The following NSMCE1 variants were observed in gnomAD, a reference collection of about 807,000 sequenced individuals.
NSMCE1 encodes non-structural maintenance of chromosomes element 1 homolog.
Under a neutral mutation model 29.6 loss-of-function variants are expected in NSMCE1, and 18 were observed. The observed-to-expected ratio is 0.61, with a 90% confidence interval of 0.42 to 0.90. The LOEUF (loss-of-function observed/expected upper bound fraction) is 0.90. Among genes scored for constraint, NSMCE1 ranks in the 40% least tolerant of loss-of-function variants. The pLI is 0.00. For synonymous variants in NSMCE1, 124 were observed against 133.4 expected (o/e 0.93, Z 0.49); for missense variants, 314 against 343.6 (o/e 0.91, Z 0.68).
chr16:27,243,393 C>G (rs2083914556), intron 2 of NSMCE1, among the ~76,000 whole-genome samples: 1 of 152,170 alleles, frequency 6.6e-6, no homozygotes, highest in Non-Finnish European at 1.5e-5. Context: ...AGGAATGGAC[C>G]GTGTTACACT....
Position 27,225,309 on chromosome 16 carries a change from G to A in NSMCE1, c.722-73C>T. 5.8e-6 allele frequency: 5 copies of A among 868,474 alleles called. No homozygotes were observed. The Admixed American group carries it at 7.9e-5, about 14-fold the overall frequency. The allele number at this position is 868,474 out of a possible 1,614,324, so 53.8% of individuals were successfully genotyped here. A position where few individuals can be genotyped will look rare whatever the true frequency, so the allele number is the denominator to read the frequency against. ...AGCACAGGGGCACCAGCTGGAGCCA[G>A]CAGCTACGTCTCCTGTGCCAAGGAC... On this transcript the variant is annotated intron_variant, in intron 7 of 7. Coordinates refer to ENST00000361439, the MANE Select transcript of NSMCE1 (RefSeq NM_145080.4).
In NSMCE1 at chr16:27,235,319, A is replaced by G. The variant is rs954315644; in HGVS notation, c.137-20T>C. 6.2e-7 allele frequency: 1 copy of G among 1,610,212 alleles called. No homozygotes were observed. The highest frequency in any genetic ancestry group is 8.5e-7 in the Non-Finnish European group (1 of 1,179,424). ...CATTGCCTGGAAATAAACAGACCAA[A>G]AAAAGGGGGGTGACCAGGGGGCCTC... On this transcript the variant is annotated intron_variant, in intron 2 of 7. Coordinates refer to ENST00000361439, the MANE Select transcript of NSMCE1 (RefSeq NM_145080.4).
intron 2 of NSMCE1, among the ~76,000 whole-genome samples, chr16:27,256,752 C>T (rs1264337576): frequency 2.0e-5 from 3 of 152,190 alleles, no homozygotes; most frequent in African/African-American, 4.8e-5. Context: ...CCAGTGGCCC[C>T]GTAAGATGCC....
chr16:27,235,218 CTCTT>C lies in NSMCE1; in HGVS notation c.214_217del (p.Lys72GlufsTer15), dbSNP rs1334677461. The stretch of plus-strand genomic sequence containing the variant: ...TCTCCCATCATCTTCCGTGACTCCT[CTCTT>C]TATCTCAATATACAAGGACTCCAAG... On this transcript the variant is annotated frameshift_variant, in exon 3 of 8. Transcript: ENST00000361439. LOFTEE classifies it high-confidence loss of function. The C allele has an allele frequency of 6.2e-7, 1 of 1,613,920 alleles. No homozygotes were observed. Among genetic ancestry groups the C allele is most frequent in the Non-Finnish European group, 8.5e-7 (1 of 1,179,906 alleles).
At position 27,232,861 on chromosome 16, in the gene NSMCE1, G is replaced by T; in HGVS notation, c.483+140C>A. ...CCCAAGTCCTCCCCACGGGGTCACT[G>T]CTGGAATGCATGAAAGCAGATAAGG... On this transcript the variant is annotated intron_variant, in intron 5 of 7. Transcript: ENST00000361439. The surrounding 1 kb of genome is among the most constrained non-coding windows in gnomAD (Gnocchi z 4.5). 1 of 819,130 alleles carries T rather than the reference G, an allele frequency of 1.2e-6. No individual in the cohort carries two copies. The highest frequency in any genetic ancestry group is 1.9e-6 in the Non-Finnish European group (1 of 519,420). 50.7% of individuals were successfully genotyped at this position (819,130 alleles called of 1,614,324 possible).
intron 2 of NSMCE1, among the ~76,000 whole-genome samples, chr16:27,249,019 G>A (rs762082649): frequency 1.1e-4 from 17 of 151,916 alleles, no homozygotes; most frequent in African/African-American, 1.9e-4. Flanking sequence ...TTGTAGAGAC[G>A]GAGTTTTGTC....
intron 1 of NSMCE1, among the ~76,000 whole-genome samples, chr16:27,264,594 A>C (rs1255503639): frequency 6.6e-6 from 1 of 152,184 alleles, no homozygotes; most frequent in Non-Finnish European, 1.5e-5. Context: ...AAAATGAATA[A>C]AATTTGATTC....
intron 2 of NSMCE1, among the ~76,000 whole-genome samples, chr16:27,243,968 C>T (rs962682340): frequency 1.3e-5 from 2 of 152,168 alleles, no homozygotes; most frequent in Non-Finnish European, 2.9e-5. Flanking sequence ...TAATTTTTAT[C>T]CCTGTTTCTA....
intron 1 of NSMCE1, among the ~76,000 whole-genome samples, chr16:27,263,398 A>G (rs1330912167): frequency 1.3e-5 from 2 of 152,244 alleles, no homozygotes; most frequent in Admixed American, 1.3e-4. Flanking sequence ...TTGCAGGAAC[A>G]TGGATGAAAC....
At chr16:27,258,109 C>T (rs1277692350) in intron 1 of NSMCE1, 3 of 152,252 alleles carry the variant, frequency 2.0e-5, no homozygotes, top group Non-Finnish European at 4.4e-5. Flanking sequence ...AAGTTCATTA[C>T]TGAGAGAACT....
intron 2 of NSMCE1, among the ~76,000 whole-genome samples, chr16:27,236,250 G>A (rs1374723200): frequency 6.6e-6 from 1 of 152,004 alleles, no homozygotes; most frequent in East Asian, 1.9e-4. Flanking sequence ...TGGAAGCAGT[G>A]GAAGGACATG....
In NSMCE1 at chr16:27,233,025, A is replaced by C. The variant is rs2083778745; in HGVS notation, c.459T>G (p.Phe153Leu). 6.2e-7 allele frequency: 1 copy of C among 1,614,162 alleles called. No homozygotes were observed. The highest frequency in any genetic ancestry group is 8.5e-7 in the Non-Finnish European group (1 of 1,180,002). ...KKEAEQVLQKFVQNKWLIEKE... is the reference protein window; with the variant it reads ...KKEAEQVLQKLVQNKWLIEKE... ...CCTCAATCAGCCACTTGTTTTGAACAAACTTCTGCAGCACCTGCTCCGCTT... is the reference window on the plus strand; with the variant it reads ...CCTCAATCAGCCACTTGTTTTGAACCAACTTCTGCAGCACCTGCTCCGCTT... The change falls in exon 5 of 8, where the codon TTT (phenylalanine) becomes TTG (leucine). Residue 153 changes from phenylalanine to leucine, a missense_variant. By Grantham distance (22) the Phe-to-Leu change is conservative. Coordinates refer to ENST00000361439, the MANE Select transcript of NSMCE1 (RefSeq NM_145080.4).
intron 5 of NSMCE1, among the ~76,000 whole-genome samples, chr16:27,227,454 G>A (rs1010766311): frequency 6.6e-6 from 1 of 152,204 alleles, no homozygotes; most frequent in Admixed American, 6.5e-5. Context: ...CCAGGGTGCG[G>A]TCCACCCATC....
chr16:27,241,741 C>G, intron 2 of NSMCE1: 1 of 361,944 alleles, frequency 2.8e-6, no homozygotes, highest in Admixed American at 3.0e-5. Flanking sequence ...TAGTGACGAA[C>G]CGTCCTCTCC....
At position 27,225,610 on chromosome 16, in the gene NSMCE1, C is replaced by T. The variant is rs986260921; in HGVS notation, c.721+116G>A. On this transcript the variant is annotated intron_variant, in intron 7 of 7. Transcript: ENST00000361439. The stretch of plus-strand genomic sequence containing the variant: ...TCTTCTAGGATTCAAGCTGCTAACA[C>T]GGACCCCCACACACCCTGGAGCCCT... 48 of 1,226,312 alleles carry T rather than the reference C, an allele frequency of 3.9e-5. 1 individual carries two copies. Among genetic ancestry groups the T allele is most frequent in the African/African-American group, 3.6e-4 (24 of 66,128 alleles). The allele number at this position is 1,226,312 out of a possible 1,614,324, so 76.0% of individuals were successfully genotyped here. A position where few individuals can be genotyped will look rare whatever the true frequency, so the allele number is the denominator to read the frequency against.
chr16:27,248,524 C>A (rs2083984031), intron 2 of NSMCE1, among the ~76,000 whole-genome samples: 2 of 150,542 alleles, frequency 1.3e-5, no homozygotes, highest in Non-Finnish European at 2.9e-5. Context: ...AATTCTCCTG[C>A]CTCAGCCTCC....
intron 2 of NSMCE1, among the ~76,000 whole-genome samples, chr16:27,245,489 G>T (rs1382898135): frequency 2.0e-5 from 3 of 152,212 alleles, no homozygotes; most frequent in Non-Finnish European, 4.4e-5. Flanking sequence ...CTCCATGCTG[G>T]CCTGAAAGGG....
intron 2 of NSMCE1, chr16:27,241,962 G>A (rs760369441): frequency 1.9e-5 from 7 of 373,696 alleles, no homozygotes; most frequent in Middle Eastern, 3.7e-4. Flanking sequence ...ATGCAATCAC[G>A]AAAGGATGTG....
intron 1 of NSMCE1, among the ~76,000 whole-genome samples, chr16:27,263,630 C>A (rs562455375): frequency 5.3e-5 from 8 of 152,118 alleles, no homozygotes; most frequent in Non-Finnish European, 8.8e-5. Flanking sequence ...AAAAGCTGTA[C>A]AACAAACCCC....
Sources: allele counts gnomAD v4.1 joint callset (sites outside exome capture counted in the v4.1 genomes callset), GRCh38; gene constraint gnomAD v4.1.1; non-coding constraint Gnocchi (gnomAD v3.1); transcripts MANE v1.5; gene names NCBI Gene and HGNC (gene_info 2026-07-23, HGNC 2026-07-21).